PCDHA2: variants seen among roughly 807,000 people sequenced by gnomAD.
The protein encoded by PCDHA2 is protocadherin alpha 2.
Under a neutral mutation model 66.0 loss-of-function variants are expected in PCDHA2, and 58 were observed. The ratio of observed to expected loss-of-function variants is 0.88; its 90% CI spans 0.71 to 1.09. The LOEUF is 1.09. Among genes scored for constraint, PCDHA2 ranks in the 50% least tolerant of loss-of-function variants. The pLI is 0.00. For missense variants in PCDHA2, 1,267 were observed against 1,242.3 expected, an observed-to-expected ratio of 1.02 and a Z score of -0.30; for synonymous variants, 634 against 554.0, an observed-to-expected ratio of 1.14 and a Z score of -2.03.
chr5:141,001,159 G>A (rs1332533329), intron 3 of PCDHA2, among the ~76,000 whole-genome samples: 2 of 152,076 alleles, frequency 1.3e-5, no homozygotes, highest in Non-Finnish European at 2.9e-5. Context: ...ATCTTAATAA[G>A]TAAAATTTAA....
intron 1 of PCDHA2, among the ~76,000 whole-genome samples, chr5:140,900,747 CTTGGTAGCTCTATT>C (rs545406022): frequency 3.1e-4 from 47 of 152,302 alleles, no homozygotes; most frequent in African/African-American, 1.1e-3. Flanking sequence ...TTCTGGATCA[CTTGGTAGCTCTATT>C]TTTGGCTTTT....
At chr5:140,823,440 G>A in intron 1 of PCDHA2, 1 of 1,613,368 alleles carries the variant, frequency 6.2e-7, no homozygotes, top group Non-Finnish European at 8.5e-7. Context: ...TGTTCGTGCT[G>A]GACGAGAACG....
Position 140,832,155 on chromosome 5 carries a change from G to A in PCDHA2, c.2388+34803G>A, listed in dbSNP as rs139131870. Reference sequence around the variant, plus strand: ...AAGTTGAAAATTGAATTAAGACTTGGACAGTGGAAAAGTTTTATGAATTCA... The same window carrying A: ...AAGTTGAAAATTGAATTAAGACTTGAACAGTGGAAAAGTTTTATGAATTCA... On this transcript the variant is annotated intron_variant, in intron 1 of 3. Transcript: ENST00000526136. Among the ~76,000 whole-genome samples the A allele has an allele frequency of 1.4e-3, 211 of 152,314 alleles. 2 individuals are homozygous for A. The highest frequency in any genetic ancestry group is 4.6e-3 in the African/African-American group (192 of 41,574).
At chr5:141,009,374 G>A (rs567366098) in intron 3 of PCDHA2, among the ~76,000 whole-genome samples, 2 of 152,334 alleles carry the variant, frequency 1.3e-5, no homozygotes, top group African/African-American at 2.4e-5. Context: ...TGGGAGGATT[G>A]ATTGAGCACA....
chr5:140,847,462 G>A (rs2150400776), intron 1 of PCDHA2: 2 of 149,808 alleles, frequency 1.3e-5, no homozygotes, highest in African/African-American at 2.4e-5. Context: ...TTAATTAATC[G>A]ACTTGGACGT....
At chr5:140,962,772 T>C (rs1039768584) in intron 1 of PCDHA2, among the ~76,000 whole-genome samples, 2 of 152,336 alleles carry the variant, frequency 1.3e-5, no homozygotes, top group Admixed American at 1.3e-4. Context: ...TTTAACAAGA[T>C]GGAATTTTTA....
chr5:140,820,669 G>A (rs1256170488), intron 1 of PCDHA2, among the ~76,000 whole-genome samples: 1 of 151,954 alleles, frequency 6.6e-6, no homozygotes, highest in African/African-American at 2.4e-5. Flanking sequence ...CTAATATAAA[G>A]ATAGCCTGGT....
Position 140,912,120 on chromosome 5 carries a change from G to A in PCDHA2, c.2389-66829G>A, listed in dbSNP as rs371645551. On this transcript the variant is annotated intron_variant, in intron 1 of 3. Transcript: ENST00000526136. ...AGAAAGATGTAGGCTGGGAGGCTAA[G>A]TCAGTCTAATCTCTCCATGTTCTTC... Among the ~76,000 whole-genome samples the A allele has an allele frequency of 1.7e-4, 26 of 152,328 alleles. 3 individuals are homozygous for A. In the East Asian group the frequency reaches 1.9e-3, roughly 11 times the overall value.
At chr5:140,810,228 T>C (rs1333257173) in intron 1 of PCDHA2, 1 of 152,266 alleles carries the variant, frequency 6.6e-6, no homozygotes, top group African/African-American at 2.4e-5. Flanking sequence ...CTATACCTTA[T>C]TTATTCTACT....
intron 1 of PCDHA2, chr5:140,803,714 AGTTTTGTG>A (rs1413434570): frequency 1.9e-5 from 28 of 1,505,640 alleles, no homozygotes; most frequent in Non-Finnish European, 2.3e-5. Flanking sequence ...AGACTTTTCC[AGTTTTGTG>A]GTTTTGTGGT....
At chr5:140,836,003 G>T (rs1456412206) in intron 1 of PCDHA2, 5 of 1,613,328 alleles carry the variant, frequency 3.1e-6, no homozygotes, top group African/African-American at 2.7e-5. Flanking sequence ...CGCGCGATGC[G>T]GGCGTGCCGC....
intron 1 of PCDHA2, among the ~76,000 whole-genome samples, chr5:140,838,428 T>G (rs1373601057): frequency 6.6e-6 from 1 of 151,638 alleles, no homozygotes; most frequent in Non-Finnish European, 1.5e-5. Context: ...CCGGCCTAAA[T>G]TATATATTGG....
At chr5:140,923,219 CGTTTG>C (rs2081242278) in intron 1 of PCDHA2, among the ~76,000 whole-genome samples, 3 of 151,974 alleles carry the variant, frequency 2.0e-5, no homozygotes, top group Admixed American at 1.3e-4. Context: ...GTGAAAGGAT[CGTTTG>C]AGCCCAGAAG....
In PCDHA2 at chr5:140,802,256, A is replaced by G. The variant is rs537450462; in HGVS notation, c.2388+4904A>G. 97 of 1,614,244 alleles carry G rather than the reference A, an allele frequency of 6.0e-5. No homozygotes were observed. The highest frequency in any genetic ancestry group is 4.0e-4 in the South Asian group (36 of 91,092). On this transcript the variant is annotated intron_variant, in intron 1 of 3. Coordinates refer to ENST00000526136, the MANE Select transcript of PCDHA2 (RefSeq NM_018905.3). ...ATAATGTACCTGAGTTAGTTATTCAATCACTATCTTTACCTGTATTAGAAG... is the reference window on the plus strand; with the variant it reads ...ATAATGTACCTGAGTTAGTTATTCAGTCACTATCTTTACCTGTATTAGAAG...
intron 1 of PCDHA2, chr5:140,803,902 G>A (rs148942998): frequency 1.9e-5 from 10 of 521,974 alleles, no homozygotes; most frequent in Non-Finnish European, 3.4e-5. Flanking sequence ...ATTATTTAGA[G>A]AATCTGACTT....
chr5:140,957,792 T>C (rs148659760), intron 1 of PCDHA2, among the ~76,000 whole-genome samples: 1 of 152,230 alleles, frequency 6.6e-6, no homozygotes, highest in East Asian at 1.9e-4. Flanking sequence ...TCATCATATA[T>C]GTTAAGTAAA....
chr5:140,994,141 C>T (rs782520855), intron 3 of PCDHA2, among the ~76,000 whole-genome samples: 1 of 152,256 alleles, frequency 6.6e-6, no homozygotes, highest in African/African-American at 2.4e-5. Context: ...TAATGCCCTA[C>T]GTAGGTAGGG....
At chr5:140,977,911 A>T (rs2096780139) in intron 1 of PCDHA2, among the ~76,000 whole-genome samples, 1 of 152,002 alleles carries the variant, frequency 6.6e-6, no homozygotes, top group Non-Finnish European at 1.5e-5. Flanking sequence ...TTTATCCCCC[A>T]TTTTTTTCAT....
Position 140,795,099 on chromosome 5 carries a change from G to T in PCDHA2, c.135G>T (p.Val45=), listed in dbSNP as rs782271998. 1.1e-5 allele frequency: 17 copies of T among 1,614,020 alleles called. No homozygotes were observed. The Middle Eastern group carries it at 6.6e-4, about 63-fold the overall frequency. Residue 45 remains valine, a synonymous_variant, in exon 1 of 4, where the codon GTG becomes GTT. Coordinates refer to ENST00000526136, the MANE Select transcript of PCDHA2 (RefSeq NM_018905.3). The stretch of plus-strand genomic sequence containing the variant: ...AGGAGGCCAAACACGGCACCTTCGT[G>T]GGCCGCATCGCGCAGGACCTGGGGC... ...VPEEAKHGTF[V]GRIAQDLGLE...
Sources: allele counts gnomAD v4.1 joint callset (sites outside exome capture counted in the v4.1 genomes callset), GRCh38; gene constraint gnomAD v4.1.1; transcripts MANE v1.5; gene names NCBI Gene and HGNC (gene_info 2026-07-23, HGNC 2026-07-21).